The following VGLL4 variants were observed in gnomAD, a reference collection of about 807,000 sequenced individuals.
VGLL4 encodes vestigial like family member 4, also known as transcription cofactor vestigial-like protein 4.
In VGLL4, 7 loss-of-function variants were observed where a neutral mutation model predicts 21.0. That is an observed-to-expected ratio of 0.33 (90% CI 0.19 to 0.63). The LOEUF (loss-of-function observed/expected upper bound fraction) is 0.63. VGLL4 is among the 20% of genes least tolerant of loss of function. The pLI, the probability that VGLL4 is intolerant of heterozygous loss-of-function variation, is 0.78. For synonymous variants in VGLL4, 222 were observed against 173.2 expected (o/e 1.28, Z -2.21); for missense variants, 394 against 425.7 (o/e 0.93, Z 0.66).
intron 3 of VGLL4, among the ~76,000 whole-genome samples, chr3:11,562,864 T>C (rs968131004): frequency 2.6e-5 from 4 of 152,058 alleles, no homozygotes; most frequent in Admixed American, 1.3e-4. Flanking sequence ...CCCATAAAGA[T>C]ATAGCTGGGG....
chr3:11,671,652 C>T (rs1008657499), intron 2 of VGLL4, among the ~76,000 whole-genome samples: 1 of 152,116 alleles, frequency 6.6e-6, no homozygotes, highest in Non-Finnish European at 1.5e-5. Context: ...CAAGGGTCAA[C>T]TGTATATGCC....
At chr3:11,602,082 C>T (rs2074817306) in intron 1 of VGLL4, 60 bp from the exon 2 acceptor site, 1 of 1,420,572 alleles carries the variant, frequency 7.0e-7, no homozygotes, top group South Asian at 1.6e-5. Context: ...CTCAGTCCCC[C>T]AGGCTCCCCG....
intron 3 of VGLL4, 95 bp from the exon 4 acceptor site, chr3:11,559,550 G>T: frequency 7.1e-7 from 1 of 1,413,834 alleles, no homozygotes; most frequent in East Asian, 2.7e-5. Context: ...CTCTGTCCTG[G>T]TGCCCTTCCT....
intron 2 of VGLL4, among the ~76,000 whole-genome samples, chr3:11,672,790 A>G (rs2076235550): frequency 6.6e-6 from 1 of 152,232 alleles, no homozygotes; most frequent in South Asian, 2.1e-4. Flanking sequence ...TGCATTTTCT[A>G]ATAATCTACA....
At chr3:11,712,710 C>T (rs1341132035) in intron 1 of VGLL4, among the ~76,000 whole-genome samples, 1 of 152,170 alleles carries the variant, frequency 6.6e-6, no homozygotes, top group African/African-American at 2.4e-5. Context: ...GTTTTAGTGA[C>T]AAGCACAATT....
intron 2 of VGLL4, among the ~76,000 whole-genome samples, chr3:11,570,766 T>C (rs1409441706): frequency 6.6e-6 from 1 of 152,166 alleles, no homozygotes; most frequent in East Asian, 1.9e-4. Context: ...TTTAGTCCCT[T>C]CCTCCAACTT....
chr3:11,690,265 CTTTTAG>C (rs1247645005), intron 2 of VGLL4, among the ~76,000 whole-genome samples: 2 of 152,090 alleles, frequency 1.3e-5, no homozygotes, highest in Admixed American at 6.6e-5. Flanking sequence ...TTCTTCATAA[CTTTTAG>C]TTTAATAGAG....
intron 1 of VGLL4, chr3:11,626,532 T>G (rs1227519549): frequency 1.2e-5 from 5 of 422,332 alleles, no homozygotes; most frequent in Non-Finnish European, 2.4e-5. Flanking sequence ...GCAGTAATAT[T>G]TGAAGGTACC....
chr3:11,706,395 T>C (rs1452107381), intron 1 of VGLL4, among the ~76,000 whole-genome samples: 4 of 152,218 alleles, frequency 2.6e-5, no homozygotes, highest in East Asian at 1.9e-4. Context: ...AAACAGAAGA[T>C]AGATCTCTGC....
intron 2 of VGLL4, among the ~76,000 whole-genome samples, chr3:11,573,357 AAGAAAGAAAG>A (rs2073925398): frequency 9.0e-6 from 1 of 110,720 alleles, no homozygotes. Flanking sequence ...GAAAGAAAGA[AAGAAAGAAAG>A]AAAGAAAGAA....
chr3:11,661,749 G>C (rs753950566), intron 2 of VGLL4, among the ~76,000 whole-genome samples: 1 of 152,156 alleles, frequency 6.6e-6, no homozygotes, highest in Non-Finnish European at 1.5e-5. Flanking sequence ...TGAGATTACA[G>C]GTGTGAGCCA....
chr3:11,594,425 A>G (rs991045046), intron 2 of VGLL4, among the ~76,000 whole-genome samples: 3 of 152,216 alleles, frequency 2.0e-5, no homozygotes, highest in African/African-American at 2.4e-5. Flanking sequence ...ATGAGATAAT[A>G]TATTTCAAGT....
rs1348239054 is a variant in VGLL4, at chr3:11,558,474, G to A, written c.*82C>T. The A allele has an allele frequency of 8.1e-7, 1 of 1,238,898 alleles. No homozygotes were observed. Among genetic ancestry groups the A allele is most frequent in the Non-Finnish European group, 1.1e-6 (1 of 914,098 alleles). 76.7% of individuals were successfully genotyped at this position (1,238,898 alleles called of 1,614,324 possible). ...TCCCTTCCCCCCACCCCACCCCCATGATTTTTTTTTTTTTAAGTACTGACT... is the reference window on the plus strand; with the variant it reads ...TCCCTTCCCCCCACCCCACCCCCATAATTTTTTTTTTTTTAAGTACTGACT... On this transcript the variant is annotated 3_prime_UTR_variant, in exon 5 of 5. Transcript: ENST00000430365.
At chr3:11,628,044 G>A (rs1188938874) in intron 1 of VGLL4, among the ~76,000 whole-genome samples, 1 of 152,116 alleles carries the variant, frequency 6.6e-6, no homozygotes, top group African/African-American at 2.4e-5. Context: ...ATAAGGTAAT[G>A]AATACAAGAA....
In VGLL4 at chr3:11,636,415, A is replaced by G. The variant is rs536046917; in HGVS notation, c.82+7022T>C. Among the ~76,000 whole-genome samples the G allele has an allele frequency of 1.0e-3, 152 of 152,352 alleles. 1 individual carries two copies. The highest frequency in any genetic ancestry group is 1.7e-3 in the Non-Finnish European group (117 of 68,024). On this transcript the variant is annotated intron_variant, in intron 1 of 4. Transcript: ENST00000430365. ...AGCAATACATGAGTAATTCTTTTTC[A>G]TTCACAATTTTAGATGGTGCATAAT...
At chr3:11,572,699 C>T (rs533641991) in intron 2 of VGLL4, among the ~76,000 whole-genome samples, 10 of 152,306 alleles carry the variant, frequency 6.6e-5, no homozygotes, top group African/African-American at 2.4e-4. Context: ...GTTGTACAAC[C>T]GTGTCTTTCC....
intron 1 of VGLL4, among the ~76,000 whole-genome samples, chr3:11,718,681 G>T (rs1362160532): frequency 6.6e-6 from 1 of 152,056 alleles, no homozygotes; most frequent in African/African-American, 2.4e-5. Flanking sequence ...CTTGGGTATA[G>T]AACAAGATAT....
chr3:11,651,739 G>A (rs1385917725), intron 2 of VGLL4, among the ~76,000 whole-genome samples: 1 of 151,228 alleles, frequency 6.6e-6, no homozygotes, highest in Non-Finnish European at 1.5e-5. Flanking sequence ...GTAAGTACCA[G>A]GGAGTAGCTG....
chr3:11,682,309 G>A (rs1384936957), intron 2 of VGLL4, among the ~76,000 whole-genome samples: 1 of 150,070 alleles, frequency 6.7e-6, no homozygotes, highest in Non-Finnish European at 1.5e-5. Flanking sequence ...GGAGGCTGAG[G>A]CAGGAGAATA....
Sources: gnomAD v4.1 joint callset for allele counts (sites outside exome capture counted in the v4.1 genomes callset) on GRCh38, gnomAD v4.1.1 for gene constraint, MANE v1.5 for transcripts, NCBI Gene and HGNC (gene_info 2026-07-23, HGNC 2026-07-21) for gene names.